Variants in FAF1 observed in about 807,000 individuals in gnomAD.
FAF1 encodes the protein Fas associated factor 1.
A neutral mutation model predicts 92.5 loss-of-function variants in FAF1; 25 were observed. That is an observed-to-expected ratio of 0.27 (90% CI 0.20 to 0.38). The LOEUF (loss-of-function observed/expected upper bound fraction) is 0.38, where lower values mean the gene tolerates loss of function less well. FAF1 is among the 10% of genes least tolerant of loss of function. The probability of loss-of-function intolerance (pLI) is 1.00; values close to 1 mark genes in which losing one functional copy is unlikely to be tolerated. For missense variants in FAF1, 636 were observed against 793.3 expected (o/e 0.80, Z 2.38); for synonymous variants, 234 against 273.2 (o/e 0.86, Z 1.42).
At chr1:50,706,248 ACT>A (rs1050711984) in intron 6 of FAF1, among the ~76,000 whole-genome samples, 1 of 152,180 alleles carries the variant, frequency 6.6e-6, no homozygotes, top group Non-Finnish European at 1.5e-5. Flanking sequence ...ATATTCAAAG[ACT>A]CTGGTTCAAT....
chr1:50,712,998 CA>C (rs953577385), intron 6 of FAF1, among the ~76,000 whole-genome samples: 3 of 151,236 alleles, frequency 2.0e-5, no homozygotes, highest in African/African-American at 7.3e-5. Flanking sequence ...CCAGACTCTA[CA>C]AAAAATACAA....
At chr1:50,713,630 G>T (rs1019094417) in intron 6 of FAF1, among the ~76,000 whole-genome samples, 1 of 151,904 alleles carries the variant, frequency 6.6e-6, no homozygotes, top group Non-Finnish European at 1.5e-5. Context: ...AGCAAACGTA[G>T]AACCTTTTAA....
intron 6 of FAF1, among the ~76,000 whole-genome samples, chr1:50,724,021 T>A (rs1312795992): frequency 2.0e-5 from 3 of 151,936 alleles, no homozygotes; most frequent in African/African-American, 7.3e-5. Flanking sequence ...AGTGCTGGGA[T>A]TATAGGCGTG....
chr1:50,911,674 G>A (rs756114186), intron 1 of FAF1, among the ~76,000 whole-genome samples: 3 of 151,960 alleles, frequency 2.0e-5, no homozygotes, highest in Non-Finnish European at 4.4e-5. Flanking sequence ...TCCAGCCTGG[G>A]CAACAGAGTG....
intron 8 of FAF1, among the ~76,000 whole-genome samples, chr1:50,618,548 C>A (rs1382723291): frequency 1.3e-5 from 2 of 151,074 alleles, no homozygotes; most frequent in Non-Finnish European, 2.9e-5. Flanking sequence ...CAGGCATGAG[C>A]CACCGCGCCC....
chr1:50,465,191 C>T (rs1646479503), intron 18 of FAF1, among the ~76,000 whole-genome samples: 1 of 152,174 alleles, frequency 6.6e-6, no homozygotes, highest in Non-Finnish European at 1.5e-5. Context: ...TTTGCAGTTT[C>T]AGTTTTGAAG....
chr1:50,485,696 A>AC (rs1491183122), intron 17 of FAF1, among the ~76,000 whole-genome samples: 36 of 141,468 alleles, frequency 2.5e-4, no homozygotes, highest in East Asian at 4.1e-4. Flanking sequence ...AAAAAAAAAA[A>AC]CCAAAAAAAC....
chr1:50,657,795 C>T (rs1321610416), intron 7 of FAF1, among the ~76,000 whole-genome samples: 1 of 152,176 alleles, frequency 6.6e-6, no homozygotes, highest in Non-Finnish European at 1.5e-5. Flanking sequence ...ACAGAACTCA[C>T]TCTATTTTTA....
intron 3 of FAF1, among the ~76,000 whole-genome samples, chr1:50,796,008 C>T (rs1414313841): frequency 6.6e-6 from 1 of 151,818 alleles, no homozygotes; most frequent in African/African-American, 2.4e-5. Context: ...GATTCTGACT[C>T]TTCAAAAATG....
At chr1:50,601,357 C>T (rs1652117329) in intron 8 of FAF1, among the ~76,000 whole-genome samples, 1 of 152,080 alleles carries the variant, frequency 6.6e-6, no homozygotes, top group Non-Finnish European at 1.5e-5. Context: ...TAAGGCCATT[C>T]TTAATACTTC....
Position 50,449,294 on chromosome 1 carries a change from G to A in FAF1, c.1870-7771C>T, listed in dbSNP as rs140775338. On this transcript the variant is annotated intron_variant, in intron 18 of 18. Coordinates refer to ENST00000396153, the MANE Select transcript of FAF1 (RefSeq NM_007051.3). ...AGGGGGACATTTCTTATGCACAGTC[G>A]TACAACCAGAAATTGTCGGGGCTCA... is the stretch of plus-strand genomic sequence containing the variant. Among the ~76,000 whole-genome samples, 10 of 152,152 alleles carry A rather than the reference G, an allele frequency of 6.6e-5. No individual in the cohort carries two copies. The East Asian group carries it at 1.4e-3, about 21-fold the overall frequency.
At chr1:50,596,287 G>A in intron 8 of FAF1, 71 bp from the exon 9 acceptor site, 1 of 1,125,212 alleles carries the variant, frequency 8.9e-7, no homozygotes, top group Admixed American at 1.9e-5. Context: ...TGACTTTTCA[G>A]GTATTTTCTA....
intron 7 of FAF1, among the ~76,000 whole-genome samples, chr1:50,696,029 C>T (rs1657203399): frequency 6.6e-6 from 1 of 150,462 alleles, no homozygotes; most frequent in Admixed American, 6.6e-5. Flanking sequence ...TTAAGATTCT[C>T]CACATGGACA....
chr1:50,910,344 G>A (rs1258886539), intron 1 of FAF1, among the ~76,000 whole-genome samples: 2 of 152,214 alleles, frequency 1.3e-5, no homozygotes, highest in East Asian at 3.9e-4. Flanking sequence ...ACCCACTTGA[G>A]GAGGCAGTCT....
chr1:50,916,419 T>C (rs1461970683), intron 1 of FAF1, among the ~76,000 whole-genome samples: 3 of 152,204 alleles, frequency 2.0e-5, no homozygotes, highest in African/African-American at 7.2e-5. Flanking sequence ...TTAGGACTTA[T>C]CTTCACATAC....
intron 7 of FAF1, among the ~76,000 whole-genome samples, chr1:50,677,308 T>C (rs985135428): frequency 2.0e-5 from 3 of 152,144 alleles, no homozygotes; most frequent in East Asian, 1.9e-4. Flanking sequence ...GGTGAAGAAG[T>C]AGGTAACACT....
intron 7 of FAF1, among the ~76,000 whole-genome samples, chr1:50,666,412 G>A (rs1025959493): frequency 1.3e-5 from 2 of 151,910 alleles, no homozygotes; most frequent in African/African-American, 4.8e-5. Flanking sequence ...TCATTATTTT[G>A]CCCAGGCTGG....
At chr1:50,725,884 C>G (rs1250827350) in intron 6 of FAF1, among the ~76,000 whole-genome samples, 1 of 152,212 alleles carries the variant, frequency 6.6e-6, no homozygotes, top group African/African-American at 2.4e-5. Flanking sequence ...AACTTCACAA[C>G]CCAGAGGCCA....
intron 1 of FAF1, among the ~76,000 whole-genome samples, chr1:50,864,107 A>T (rs1644460041): frequency 6.6e-6 from 1 of 151,158 alleles, no homozygotes; most frequent in African/African-American, 2.4e-5. Context: ...CTTCTTTATT[A>T]GTCTTGCTAG....
Sources: allele counts gnomAD v4.1 joint callset (sites outside exome capture counted in the v4.1 genomes callset), GRCh38; gene constraint gnomAD v4.1.1; transcripts MANE v1.5; gene names NCBI Gene and HGNC (gene_info 2026-07-23, HGNC 2026-07-21).